Variants in KCTD8 observed in about 807,000 individuals in gnomAD.
KCTD8 encodes potassium channel tetramerization domain containing 8, also known as BTB/POZ domain-containing protein KCTD8.
KCTD8 carries 27 observed loss-of-function variants against 31.5 expected under a neutral mutation model. That is an observed-to-expected ratio of 0.86 (90% CI 0.63 to 1.18). KCTD8 has a LOEUF of 1.18. Ranked by LOEUF, KCTD8 falls within the 50% of genes most tolerant of loss-of-function variation. The probability of loss-of-function intolerance (pLI) is 0.00; values close to 1 mark genes in which losing one functional copy is unlikely to be tolerated. For missense variants in KCTD8, 658 were observed against 647.7 expected (o/e 1.02, Z -0.17); for synonymous variants, 290 against 280.0 (o/e 1.04, Z -0.36).
At chr4:44,274,687 T>C (rs563698203) in intron 1 of KCTD8, among the ~76,000 whole-genome samples, 36 of 152,074 alleles carry the variant, frequency 2.4e-4, no homozygotes, top group African/African-American at 8.4e-4. Context: ...GTATCATTCA[T>C]AATGAGAGTT....
chr4:44,236,375 T>C lies in KCTD8; in HGVS notation c.962-61125A>G, dbSNP rs151102376. Among the ~76,000 whole-genome samples the C allele has an allele frequency of 8.5e-5, 13 of 152,282 alleles. No individual in the cohort carries two copies. The East Asian group carries it at 2.3e-3, about 27-fold the overall frequency. On this transcript the variant is annotated intron_variant, in intron 1 of 1. Coordinates refer to ENST00000360029, the MANE Select transcript of KCTD8 (RefSeq NM_198353.3). ...CCATGGTTTCTGGCCATCCAGTGCA[T>C]AGTGGTTGTGGCATGCACTCAAAAA...
chr4:44,370,305 C>T (rs764437305), intron 1 of KCTD8, among the ~76,000 whole-genome samples: 12 of 152,112 alleles, frequency 7.9e-5, no homozygotes, highest in Non-Finnish European at 1.2e-4. Context: ...AATGGGTGCT[C>T]TCACATGTTT....
At chr4:44,335,311 A>G (rs1718709227) in intron 1 of KCTD8, among the ~76,000 whole-genome samples, 1 of 152,162 alleles carries the variant, frequency 6.6e-6, no homozygotes, top group Admixed American at 6.5e-5. Context: ...TTAATATTTT[A>G]ATCTAAAAAA....
intron 1 of KCTD8, among the ~76,000 whole-genome samples, chr4:44,416,920 G>C (rs1721090101): frequency 6.6e-6 from 1 of 152,152 alleles, no homozygotes; most frequent in Admixed American, 6.5e-5. Context: ...TGTAACAATA[G>C]AAAGATAATA....
At chr4:44,281,132 C>CAAT (rs10643039) in intron 1 of KCTD8, among the ~76,000 whole-genome samples, 104,693 of 151,334 alleles carry the variant, frequency 0.69, 36,295 homozygotes, top group African/African-American at 0.75. Context: ...AGGATTAGCA[C>CAAT]GAGAGCCAGT....
chr4:44,272,476 CA>C (rs1427376407), intron 1 of KCTD8, among the ~76,000 whole-genome samples: 1 of 151,988 alleles, frequency 6.6e-6, no homozygotes, highest in Non-Finnish European at 1.5e-5. Flanking sequence ...TGTAAACCAT[CA>C]GATATTTAAA....
chr4:44,215,985 C>A (rs1474350109), intron 1 of KCTD8, among the ~76,000 whole-genome samples: 1 of 151,960 alleles, frequency 6.6e-6, no homozygotes, highest in Non-Finnish European at 1.5e-5. Context: ...TTCACTGAAA[C>A]CAAAAGGCAC....
intron 1 of KCTD8, among the ~76,000 whole-genome samples, chr4:44,394,638 C>A (rs531971850): frequency 6.6e-6 from 1 of 151,914 alleles, no homozygotes; most frequent in Non-Finnish European, 1.5e-5. Context: ...GAATTCAAAT[C>A]GGATAATTTG....
intron 1 of KCTD8, among the ~76,000 whole-genome samples, chr4:44,245,243 C>G (rs1166463891): frequency 6.6e-6 from 1 of 151,974 alleles, no homozygotes; most frequent in Non-Finnish European, 1.5e-5. Flanking sequence ...AATAGGGAGA[C>G]AGGGAATGAA....
chr4:44,268,835 G>T (rs1437732351), intron 1 of KCTD8, among the ~76,000 whole-genome samples: 3 of 151,688 alleles, frequency 2.0e-5, no homozygotes, highest in Non-Finnish European at 3.0e-5. Context: ...ACTTACAAGG[G>T]ATGTGAAGGA....
At chr4:44,419,733 G>A (rs1199907667) in intron 1 of KCTD8, among the ~76,000 whole-genome samples, 1 of 152,018 alleles carries the variant, frequency 6.6e-6, no homozygotes, top group Middle Eastern at 3.2e-3. Context: ...GATAGCATTA[G>A]GAGAAATACC....
chr4:44,292,986 T>C (rs1204223730), intron 1 of KCTD8, among the ~76,000 whole-genome samples: 1 of 152,240 alleles, frequency 6.6e-6, no homozygotes, highest in East Asian at 1.9e-4. Flanking sequence ...CAAGCCTCCT[T>C]GTAAACAAAT....
intron 1 of KCTD8, among the ~76,000 whole-genome samples, chr4:44,350,060 G>A (rs976963431): frequency 4.6e-5 from 7 of 152,108 alleles, no homozygotes; most frequent in Non-Finnish European, 8.8e-5. Flanking sequence ...ATCTGGTATA[G>A]ATTTTGCAAA....
chr4:44,290,091 C>A (rs989638996), intron 1 of KCTD8, among the ~76,000 whole-genome samples: 1 of 151,910 alleles, frequency 6.6e-6, no homozygotes, highest in Admixed American at 6.6e-5. Flanking sequence ...TAATGACATG[C>A]ACAAGATCAA....
At chr4:44,285,517 T>A (rs11943971) in intron 1 of KCTD8, among the ~76,000 whole-genome samples, 4,470 of 152,044 alleles carry the variant, frequency 0.029, 238 homozygotes, top group African/African-American at 0.1. Context: ...AAATACCAAA[T>A]GTAGGTGATG....
intron 1 of KCTD8, among the ~76,000 whole-genome samples, chr4:44,231,140 G>A (rs551844599): frequency 1.5e-4 from 23 of 152,168 alleles, no homozygotes; most frequent in African/African-American, 5.5e-4. Context: ...CCAAGAGTGG[G>A]TTGCTATTCA....
chr4:44,243,447 T>C (rs1715563588), intron 1 of KCTD8, among the ~76,000 whole-genome samples: 1 of 152,240 alleles, frequency 6.6e-6, no homozygotes, highest in African/African-American at 2.4e-5. Context: ...CATTAATTCC[T>C]CTACCTCTGA....
intron 1 of KCTD8, among the ~76,000 whole-genome samples, chr4:44,307,498 CAT>C (rs1364650194): frequency 2.4e-4 from 36 of 151,928 alleles, no homozygotes; most frequent in African/African-American, 7.7e-4. Context: ...ACTAGATCCA[CAT>C]GTTTTCAGTA....
chr4:44,440,599 CA>C (rs1721789296), intron 1 of KCTD8, among the ~76,000 whole-genome samples: 1 of 152,204 alleles, frequency 6.6e-6, no homozygotes, highest in Admixed American at 6.5e-5. Flanking sequence ...ACCTCAAATT[CA>C]GTAACAACCT....
Sources: allele counts gnomAD v4.1 joint callset (sites outside exome capture counted in the v4.1 genomes callset), GRCh38; gene constraint gnomAD v4.1.1; transcripts MANE v1.5; gene names NCBI Gene and HGNC (gene_info 2026-07-23, HGNC 2026-07-21).